PSMA1: variants seen among roughly 807,000 people sequenced by gnomAD.
The protein encoded by PSMA1 is proteasome 20S subunit alpha 1.
A neutral mutation model predicts 38.4 loss-of-function variants in PSMA1; 3 were observed. The observed-to-expected ratio is 0.08, with a 90% CI of 0.04 to 0.20. The LOEUF (loss-of-function observed/expected upper bound fraction) is 0.20. Among genes scored for constraint, PSMA1 ranks in the 10% least tolerant of loss-of-function variants. The pLI, the probability that PSMA1 is intolerant of heterozygous loss-of-function variation, is 1.00. For synonymous variants in PSMA1, 101 were observed against 107.1 expected, an observed-to-expected ratio of 0.94 and a Z score of 0.35; for missense variants, 227 against 325.3, an observed-to-expected ratio of 0.70 and a Z score of 2.32.
chr11:14,569,409 G>A (rs1852112285), intron 2 of PSMA1, among the ~76,000 whole-genome samples: 1 of 152,146 alleles, frequency 6.6e-6, no homozygotes, highest in Non-Finnish European at 1.5e-5. Flanking sequence ...AGCAGGGTGG[G>A]GCATTACCTC....
chr11:14,603,940 A>G (rs1438438477), intron 2 of PSMA1, among the ~76,000 whole-genome samples: 1 of 152,210 alleles, frequency 6.6e-6, no homozygotes, highest in Admixed American at 6.5e-5. Context: ...CAAGAGAAAA[A>G]AGACTGATGC....
intron 2 of PSMA1, among the ~76,000 whole-genome samples, chr11:14,593,661 A>AGAGCGC (rs1214268184): frequency 7.6e-6 from 1 of 131,546 alleles, no homozygotes; most frequent in African/African-American, 3.0e-5. Flanking sequence ...AGAGAGAGAG[A>AGAGCGC]GCGCCAGCCC....
chr11:14,636,508 C>T (rs1032357578), intron 1 of PSMA1, among the ~76,000 whole-genome samples: 1 of 152,096 alleles, frequency 6.6e-6, no homozygotes, highest in Non-Finnish European at 1.5e-5. Context: ...TCTTCTCACA[C>T]TATATACTCT....
intron 1 of PSMA1, chr11:14,519,980 G>A: frequency 2.2e-6 from 1 of 459,418 alleles, no homozygotes; most frequent in East Asian, 3.6e-5. Flanking sequence ...CCCATACACA[G>A]CACTAGGAGC....
chr11:14,552,237 G>A (rs1421412580), intron 2 of PSMA1, among the ~76,000 whole-genome samples: 1 of 152,174 alleles, frequency 6.6e-6, no homozygotes, highest in Non-Finnish European at 1.5e-5. Flanking sequence ...AAGTTCCCGA[G>A]TCCGAAGCAT....
At chr11:14,634,524 TTGTAGAGACAG>T (rs1853087372) in intron 1 of PSMA1, among the ~76,000 whole-genome samples, 2 of 152,214 alleles carry the variant, frequency 1.3e-5, no homozygotes, top group Admixed American at 1.3e-4. Context: ...TAAGTGATTT[TTGTAGAGACAG>T]GGTTTCACTA....
At chr11:14,616,475 G>A (rs1056595799) in intron 1 of PSMA1, among the ~76,000 whole-genome samples, 2 of 152,004 alleles carry the variant, frequency 1.3e-5, no homozygotes, top group African/African-American at 4.8e-5. Context: ...CAAATGATCT[G>A]CCTGCCTCGG....
At chr11:14,590,509 G>A (rs1364708637) in intron 2 of PSMA1, among the ~76,000 whole-genome samples, 1 of 152,178 alleles carries the variant, frequency 6.6e-6, no homozygotes, top group Non-Finnish European at 1.5e-5. Context: ...AGAAAAAGAT[G>A]AGATGAGGAA....
At chr11:14,588,404 T>C (rs372407069) in intron 2 of PSMA1, among the ~76,000 whole-genome samples, 19 of 152,308 alleles carry the variant, frequency 1.2e-4, no homozygotes, top group African/African-American at 4.3e-4. Context: ...AAATCCTTGA[T>C]AGCTGCTGGG....
intron 2 of PSMA1, among the ~76,000 whole-genome samples, chr11:14,585,217 C>G (rs919554264): frequency 4.6e-5 from 7 of 152,108 alleles, no homozygotes; most frequent in African/African-American, 1.7e-4. Context: ...TTTCTGCTGA[C>G]CCAGGAGTCC....
intron 5 of PSMA1, 190 bp from the exon 6 acceptor site, chr11:14,514,077 G>A: frequency 7.6e-7 from 1 of 1,319,300 alleles, no homozygotes; most frequent in Non-Finnish European, 9.6e-7. Flanking sequence ...ACCTAAGAAA[G>A]AGTGCCAGCA....
intron 2 of PSMA1, among the ~76,000 whole-genome samples, chr11:14,593,612 A>AGG (rs1325699473): frequency 1.7e-5 from 1 of 58,390 alleles, no homozygotes; most frequent in African/African-American, 6.3e-5. Flanking sequence ...AGGAGGAAAA[A>AGG]TGAGAGAGAG....
In PSMA1 at chr11:14,527,804, G is replaced by C. The variant is rs539313938; in HGVS notation, c.22-8763C>G. On this transcript the variant is annotated intron_variant, in intron 2 of 10. Transcript: ENST00000418988. ...GTTTCTCAGGCTCTTGGTATTCAGT[G>C]GCACCTGGTTTTACCTCAAACTGCC... Among the ~76,000 whole-genome samples, 208 of 152,212 alleles carry C rather than the reference G, an allele frequency of 1.4e-3. 2 individuals carry two copies. The highest frequency in any genetic ancestry group is 4.7e-3 in the African/African-American group (194 of 41,522).
chr11:14,642,671 G>A (rs1853229900), intron 1 of PSMA1, among the ~76,000 whole-genome samples: 1 of 152,198 alleles, frequency 6.6e-6, no homozygotes, highest in African/African-American at 2.4e-5. Context: ...CCGGTCATGA[G>A]GTTGAAGCGA....
At chr11:14,524,379 A>G (rs947108621), upstream of PSMA1, among the ~76,000 whole-genome samples, 2 of 152,134 alleles carry the variant, frequency 1.3e-5, no homozygotes, top group Non-Finnish European at 2.9e-5. Context: ...TTAACTGACG[A>G]AGTTCCACCA....
At chr11:14,592,374 CTCTATA>C (rs778535916) in intron 2 of PSMA1, among the ~76,000 whole-genome samples, 8,299 of 119,022 alleles carry the variant, frequency 0.07, 257 homozygotes, top group African/African-American at 0.11. Context: ...CTCTCTCTCT[CTCTATA>C]TATATATATA....
chr11:14,554,016 G>A (rs1851916171), intron 2 of PSMA1, among the ~76,000 whole-genome samples: 1 of 152,144 alleles, frequency 6.6e-6, no homozygotes, highest in Admixed American at 6.5e-5. Flanking sequence ...GGTATATAAT[G>A]ATATCTCATC....
chr11:14,592,741 A>T (rs1406450244), intron 2 of PSMA1, among the ~76,000 whole-genome samples: 1 of 152,188 alleles, frequency 6.6e-6, no homozygotes, highest in Non-Finnish European at 1.5e-5. Flanking sequence ...GCCTAAAACA[A>T]TTTGTGGTAT....
intron 1 of PSMA1, among the ~76,000 whole-genome samples, chr11:14,617,765 A>T (rs1350698022): frequency 6.6e-6 from 1 of 151,318 alleles, no homozygotes; most frequent in African/African-American, 2.4e-5. Context: ...AAAGCTTCTT[A>T]CTGTTACCGC....
Sources: gnomAD v4.1 joint callset for allele counts (sites outside exome capture counted in the v4.1 genomes callset) on GRCh38, gnomAD v4.1.1 for gene constraint, MANE v1.5 for transcripts, NCBI Gene and HGNC (gene_info 2026-07-23, HGNC 2026-07-21) for gene names.